The following UCP1 variants were observed in gnomAD, a reference collection of about 807,000 sequenced individuals.
UCP1 encodes the protein uncoupling protein 1.
UCP1 carries 24 observed loss-of-function variants against 26.2 expected under a neutral mutation model. The ratio of observed to expected loss-of-function variants is 0.92; its 90% CI spans 0.66 to 1.29. The LOEUF (loss-of-function observed/expected upper bound fraction) is 1.29, where lower values mean the gene tolerates loss of function less well. Among genes scored for constraint, UCP1 ranks in the 50% most tolerant of loss-of-function variants. The probability of loss-of-function intolerance (pLI) is 0.00; values close to 1 mark genes in which losing one functional copy is unlikely to be tolerated. For missense variants in UCP1, 402 were observed against 388.7 expected, an observed-to-expected ratio of 1.03 and a Z score of -0.29; for synonymous variants, 164 against 156.8, an observed-to-expected ratio of 1.05 and a Z score of -0.34.
intron 2 of UCP1, among the ~76,000 whole-genome samples, chr4:140,566,254 C>T (rs1735791967): frequency 6.6e-6 from 1 of 152,236 alleles, no homozygotes; most frequent in South Asian, 2.1e-4. Flanking sequence ...TCTCCCCACA[C>T]AACCCATACT....
chr4:140,561,506 C>T (rs1735676277), intron 5 of UCP1, among the ~76,000 whole-genome samples: 1 of 152,108 alleles, frequency 6.6e-6, no homozygotes, highest in Non-Finnish European at 1.5e-5. Context: ...GTGCGTGCCA[C>T]CACACTCAGC....
intron 5 of UCP1, among the ~76,000 whole-genome samples, chr4:140,561,550 G>T (rs1271255356): frequency 6.6e-6 from 1 of 152,020 alleles, no homozygotes; most frequent in Non-Finnish European, 1.5e-5. Flanking sequence ...ACAGGGTCTC[G>T]CTTTGTTGCC....
intron 2 of UCP1, 92 bp downstream of exon 2, chr4:140,567,687 G>A (rs1036545363): frequency 1.3e-6 from 2 of 1,495,378 alleles, no homozygotes; most frequent in African/African-American, 2.8e-5. Flanking sequence ...TCGCCAATTT[G>A]TTATGAAAAC....
chr4:140,568,513 G>T, intron 1 of UCP1, 91 bp downstream of exon 1: 1 of 1,583,844 alleles, frequency 6.3e-7, no homozygotes, highest in Non-Finnish European at 8.6e-7. Flanking sequence ...CCTAGAAACA[G>T]TGGTTACACC....
At chr4:140,560,917 A>G (rs1279594082) in intron 5 of UCP1, among the ~76,000 whole-genome samples, 1 of 151,952 alleles carries the variant, frequency 6.6e-6, no homozygotes, top group Non-Finnish European at 1.5e-5. Context: ...GGTAACTTCT[A>G]TTCTTTCTGT....
At chr4:140,563,058 A>C in intron 4 of UCP1, 52 bp downstream of exon 4, 1 of 1,415,794 alleles carries the variant, frequency 7.1e-7, no homozygotes, top group Non-Finnish European at 1.0e-6. Flanking sequence ...AGAAGCTCCA[A>C]GATGAACTTC....
rs1450759926 is a variant in UCP1, at chr4:140,568,605, T to C, written c.125A>G (p.Gln42Arg). The C allele has an allele frequency of 6.2e-7, 1 of 1,613,562 alleles. No homozygotes were observed. The highest frequency in any genetic ancestry group is 8.5e-7 in the Non-Finnish European group (1 of 1,179,942). The stretch of plus-strand genomic sequence containing the variant: ...TGTCTTACCCCTCTGCCTAGCTACC[T>C]GGAGCCGGACTTTGGCCGTGTCCAG... The part of the protein sequence containing the change: ...FPLDTAKVRL[Q>R]VQGECPTSSV... Residue 42 changes from glutamine (Q) to arginine (R), a missense_variant and splice_region_variant, in exon 1 of 6, where the codon CAG (glutamine) becomes CGG (arginine). Coordinates refer to ENST00000262999, the MANE Select transcript of UCP1 (RefSeq NM_021833.5).
chr4:140,568,338 C>T (rs1471606416), intron 1 of UCP1, among the ~76,000 whole-genome samples: 1 of 152,148 alleles, frequency 6.6e-6, no homozygotes, highest in Non-Finnish European at 1.5e-5. Flanking sequence ...TCTTAAAATA[C>T]TAAGTGCACC....
At chr4:140,561,618 T>A (rs910956758) in intron 5 of UCP1, among the ~76,000 whole-genome samples, 1 of 152,170 alleles carries the variant, frequency 6.6e-6, no homozygotes, top group Non-Finnish European at 1.5e-5. Flanking sequence ...GGATTACAGG[T>A]GCGAGCCACC....
chr4:140,568,460 C>A, intron 1 of UCP1, 144 bp downstream of exon 1: 1 of 1,379,420 alleles, frequency 7.2e-7, no homozygotes, highest in Non-Finnish European at 1.0e-6. Flanking sequence ...AAAGCACCAG[C>A]CCTGGGACAA....
intron 2 of UCP1, among the ~76,000 whole-genome samples, chr4:140,564,784 C>T (rs188940594): frequency 2.6e-5 from 4 of 152,286 alleles, no homozygotes; most frequent in South Asian, 2.1e-4. Flanking sequence ...TCTTGATGTA[C>T]TCATCCTATC....
In UCP1 at chr4:140,562,321, T is replaced by A; in HGVS notation, c.681A>T (p.Thr227=). Residue 227 remains threonine, a synonymous_variant, in exon 5 of 6, where the codon ACA becomes ACT. Transcript: ENST00000262999. ...VSALIAGFCA[T]AMSSPVDVVK... ...CTACATCCACCGGGGAGGACATAGC[T>A]GTTGCGCAAAATCCAGCGATAAGAG... The A allele has an allele frequency of 6.2e-7, 1 of 1,614,130 alleles. No homozygotes were observed. Among genetic ancestry groups the A allele is most frequent in the East Asian group, 2.2e-5 (1 of 44,882 alleles).
Position 140,563,150 on chromosome 4 carries a change from A to G in UCP1, c.588T>C (p.Asp196=). The change falls in exon 4 of 6, where the codon GAT becomes GAC. Residue 196 remains aspartate (D), a synonymous_variant. Transcript: ENST00000262999. Reference sequence around the variant, plus strand: ...TTTTCACAAAGGCCTCCTTCATTAGATCATATGTTACTAGCTCTGTACAAT... The same window carrying G: ...TTTTCACAAAGGCCTCCTTCATTAGGTCATATGTTACTAGCTCTGTACAAT... ...IINCTELVTY[D]LMKEAFVKNN... 1.2e-6 allele frequency: 2 copies of G among 1,613,894 alleles called. No homozygotes were observed. Among genetic ancestry groups the G allele is most frequent in the South Asian group, 1.1e-5 (1 of 91,076 alleles).
At position 140,568,835 on chromosome 4, in the gene UCP1, A is replaced by G; in HGVS notation, c.-106T>C. The G allele has an allele frequency of 6.6e-7, 1 of 1,515,872 alleles. No homozygotes were observed. Among genetic ancestry groups the G allele is most frequent in the East Asian group, 2.5e-5 (1 of 40,594 alleles). The allele number at this position is 1,515,872 out of a possible 1,614,324, so 93.9% of individuals were successfully genotyped here. On this transcript the variant is annotated 5_prime_UTR_variant, in exon 1 of 6. Transcript: ENST00000262999. ...GCCTGTCCGCCGGGCAGCAAACCCG[A>G]TTTCTGTTTTTTGAACCGACCGCCG...
In UCP1 at chr4:140,568,915, A is replaced by G. The variant is rs1200333218; in HGVS notation, c.-186T>C. On this transcript the variant is annotated 5_prime_UTR_variant, in exon 1 of 6. Transcript: ENST00000262999. Reference sequence around the variant, plus strand: ...AGACGGAGCGCGGTGTTGGGGGCCGAGTCCCCGCGTCCCCTCCTACCCACC... The same window carrying G: ...AGACGGAGCGCGGTGTTGGGGGCCGGGTCCCCGCGTCCCCTCCTACCCACC... 2.5e-6 allele frequency: 2 copies of G among 815,984 alleles called. No individual in the cohort carries two copies. The highest frequency in any genetic ancestry group is 5.3e-5 in the Admixed American group (2 of 37,578). 50.5% of individuals were successfully genotyped at this position (815,984 alleles called of 1,614,324 possible).
Position 140,568,630 on chromosome 4 carries a change from G to A in UCP1, c.100C>T (p.Leu34=). 1 of 1,613,342 alleles carries A rather than the reference G, an allele frequency of 6.2e-7. No individual in the cohort carries two copies. The highest frequency in any genetic ancestry group is 1.1e-5 in the South Asian group (1 of 90,726). The change falls in exon 1 of 6, where the codon CTG becomes TTG. Residue 34 remains leucine (L), a synonymous_variant. Coordinates refer to ENST00000262999, the MANE Select transcript of UCP1 (RefSeq NM_021833.5). ...ACLADVITFP[L]DTAKVRLQVQ... ...TGGAGCCGGACTTTGGCCGTGTCCA[G>A]CGGGAAGGTGATCACGTCCGCCAAG...
chr4:140,568,626 T>C lies in UCP1; in HGVS notation c.104A>G (p.Asp35Gly). The change falls in exon 1 of 6, where the codon GAC (aspartate) becomes GGC (glycine). Residue 35 changes from aspartate (D) to glycine (G), a missense_variant. Transcript: ENST00000262999. ...CLADVITFPLDTAKVRLQVQG... is the reference protein window; with the variant it reads ...CLADVITFPLGTAKVRLQVQG... ...TACCTGGAGCCGGACTTTGGCCGTGTCCAGCGGGAAGGTGATCACGTCCGC... is the reference window on the plus strand; with the variant it reads ...TACCTGGAGCCGGACTTTGGCCGTGCCCAGCGGGAAGGTGATCACGTCCGC... The C allele has an allele frequency of 6.2e-7, 1 of 1,613,460 alleles. No homozygotes were observed. Among genetic ancestry groups the C allele is most frequent in the Non-Finnish European group, 8.5e-7 (1 of 1,179,914 alleles).
rs1225147676 is a variant in UCP1 at position 140,560,035 on chromosome 4, G to A, written c.810-25C>T. The stretch of plus-strand genomic sequence containing the variant: ...CCTAGAAAAGTGCATGTCATCGTTC[G>A]ATTAATTTGTTTGATTTTTTTTTTT... On this transcript the variant is annotated intron_variant, in intron 5 of 5. Transcript: ENST00000262999. 4 of 1,575,284 alleles carry A rather than the reference G, an allele frequency of 2.5e-6. No homozygotes were observed. The South Asian group carries it at 3.3e-5, about 13-fold the overall frequency.
intron 2 of UCP1, among the ~76,000 whole-genome samples, chr4:140,566,230 GTCATCTATTCACT>G (rs893170850): frequency 5.9e-5 from 9 of 152,274 alleles, no homozygotes; most frequent in African/African-American, 2.2e-4. Context: ...ATGGAATATA[GTCATCTATTCACT>G]TCTCCCCACA....
Sources: allele counts gnomAD v4.1 joint callset (sites outside exome capture counted in the v4.1 genomes callset), GRCh38; gene constraint gnomAD v4.1.1; transcripts MANE v1.5; gene names NCBI Gene and HGNC (gene_info 2026-07-23, HGNC 2026-07-21).